Variants in HNRNPUL1 observed in about 807,000 individuals in gnomAD.
HNRNPUL1 encodes the protein heterogeneous nuclear ribonucleoprotein U like 1, also known as heterogeneous nuclear ribonucleoprotein U-like protein 1.
Under a neutral mutation model 108.5 loss-of-function variants are expected in HNRNPUL1, and 14 were observed. The ratio of observed to expected loss-of-function variants is 0.13; its 90% CI spans 0.09 to 0.20. The LOEUF (loss-of-function observed/expected upper bound fraction) is 0.20. HNRNPUL1 is among the 10% of genes least tolerant of loss of function. HNRNPUL1 has a pLI of 1.00. For synonymous variants in HNRNPUL1, 422 were observed against 445.2 expected, an observed-to-expected ratio of 0.95 and a Z score of 0.66; for missense variants, 804 against 1,168.3, an observed-to-expected ratio of 0.69 and a Z score of 4.55.
chr19:41,300,320 C>CTTT (rs2037129809), intron 10 of HNRNPUL1, among the ~76,000 whole-genome samples: 1 of 140,374 alleles, frequency 7.1e-6, no homozygotes, highest in African/African-American at 2.8e-5. Context: ...CTTCAGAATA[C>CTTT]ATTTTTTTTT....
At chr19:41,281,137 C>G (rs2035876366) in intron 6 of HNRNPUL1, 26 bp from the exon 7 acceptor site, 1 of 1,525,452 alleles carries the variant, frequency 6.6e-7, no homozygotes. Context: ...CAGGTTTAAC[C>G]TGCCTTTGCC....
rs766127859 is a variant in HNRNPUL1, at chr19:41,294,280, C to T, written c.1267-58C>T. 8.2e-5 allele frequency: 131 copies of T among 1,596,492 alleles called. No individual in the cohort carries two copies. The highest frequency in any genetic ancestry group is 1.1e-4 in the Non-Finnish European group (124 of 1,168,508). On this transcript the variant is annotated intron_variant, in intron 8 of 14. Coordinates refer to ENST00000392006, the MANE Select transcript of HNRNPUL1 (RefSeq NM_007040.6). This position sits in a 1 kb window ranked among gnomAD's most constrained non-coding sequence, Gnocchi z 4.3. ...CCAGAGTCACACTCACAGTCACCAC[C>T]GAGCCAAGTGGTGCCATACCACCAT...
At chr19:41,272,477 G>A (rs543525725) in intron 3 of HNRNPUL1, 15 of 412,026 alleles carry the variant, frequency 3.6e-5, no homozygotes, top group Non-Finnish European at 4.8e-5. Context: ...ACTTTCACGC[G>A]TGAGATGCCA....
In HNRNPUL1 at chr19:41,264,494, G is replaced by A. The variant is rs1018269180; in HGVS notation, c.-10G>A. On this transcript the variant is annotated 5_prime_UTR_variant, in exon 1 of 15. Coordinates refer to ENST00000392006, the MANE Select transcript of HNRNPUL1 (RefSeq NM_007040.6). The stretch of plus-strand genomic sequence containing the variant: ...GGCCGGGCTCGGGGGCCACCCCGGG[G>A]GCCCGGGCCATGGATGTGCGCCGTC... The A allele has an allele frequency of 4.1e-5, 56 of 1,361,224 alleles. No homozygotes were observed. Among genetic ancestry groups the A allele is most frequent in the Admixed American group, 6.4e-5 (2 of 31,170 alleles). The allele number at this position is 1,361,224 out of a possible 1,614,324, so 84.3% of individuals were successfully genotyped here.
intron 7 of HNRNPUL1, among the ~76,000 whole-genome samples, chr19:41,285,412 A>G (rs1439853487): frequency 6.6e-6 from 1 of 152,074 alleles, no homozygotes. Context: ...TTTTGTAGAG[A>G]TGGGGTTTCG....
chr19:41,268,139 A>G (rs552307131), intron 1 of HNRNPUL1, 84 bp from the exon 2 acceptor site: 1 of 1,366,674 alleles, frequency 7.3e-7, no homozygotes, highest in Non-Finnish European at 1.0e-6. Flanking sequence ...GAGCTCCTGG[A>G]CCTGCAGATG....
intron 3 of HNRNPUL1, among the ~76,000 whole-genome samples, chr19:41,273,450 G>C (rs562293551): frequency 6.6e-6 from 1 of 152,076 alleles, no homozygotes; most frequent in Non-Finnish European, 1.5e-5. Flanking sequence ...CTTTTTTAGC[G>C]TTTTGGTAGG....
At chr19:41,289,713 C>CTT (rs71177710) in intron 7 of HNRNPUL1, among the ~76,000 whole-genome samples, 22,025 of 119,726 alleles carry the variant, frequency 0.18, 2,437 homozygotes, top group East Asian at 0.31. Flanking sequence ...TCTCCATGGT[C>CTT]TTTTTTTTTT....
chr19:41,264,497 C>T lies in HNRNPUL1; in HGVS notation c.-7C>T. 2.2e-6 allele frequency: 3 copies of T among 1,363,510 alleles called. No homozygotes were observed. Among genetic ancestry groups the T allele is most frequent in the Non-Finnish European group, 1.9e-6 (2 of 1,056,262 alleles). 84.5% of individuals were successfully genotyped at this position (1,363,510 alleles called of 1,614,324 possible). A position where few individuals can be genotyped will look rare whatever the true frequency, so the allele number is the denominator to read the frequency against. ...CGGGCTCGGGGGCCACCCCGGGGGCCCGGGCCATGGATGTGCGCCGTCTGA... is the reference window on the plus strand; with the variant it reads ...CGGGCTCGGGGGCCACCCCGGGGGCTCGGGCCATGGATGTGCGCCGTCTGA... On this transcript the variant is annotated 5_prime_UTR_variant, in exon 1 of 15. Transcript: ENST00000392006.
chr19:41,302,624 CTCT>C lies in HNRNPUL1; in HGVS notation c.1688-33_1688-31del, dbSNP rs538846957. 7.3e-4 allele frequency: 1,179 copies of C among 1,613,124 alleles called. 8 individuals carry two copies. In the African/African-American group the frequency reaches 0.013, roughly 18 times the overall value. On this transcript the variant is annotated intron_variant, in intron 11 of 14. Transcript: ENST00000392006. ...GGACCAGACTTCAGAAGGTACTGAC[CTCT>C]TCTTCTTGTTCTCTTTGGGGCACTT... is the stretch of plus-strand genomic sequence containing the variant.
chr19:41,264,982 C>G (rs1568424418), intron 1 of HNRNPUL1, 184 bp downstream of exon 1: 16 of 1,349,998 alleles, frequency 1.2e-5, no homozygotes, highest in Non-Finnish European at 1.4e-5. Flanking sequence ...GATCCTGACA[C>G]TCAGTGCAGG....
rs534142531 is a variant in HNRNPUL1, at chr19:41,303,598, C to G, written c.1973-374C>G. On this transcript the variant is annotated intron_variant, in intron 12 of 14. Transcript: ENST00000392006. ...TGAACTCCTGACCTCACGTGGTCCA[C>G]CCGCCTTAGCCTCCCAGAGTGCTAG... Among the ~76,000 whole-genome samples the G allele has an allele frequency of 2.0e-5, 3 of 152,232 alleles. No individual in the cohort carries two copies. In the East Asian group the frequency reaches 5.8e-4, roughly 29 times the overall value.
chr19:41,286,938 G>A (rs537203369), intron 7 of HNRNPUL1, among the ~76,000 whole-genome samples: 44 of 150,990 alleles, frequency 2.9e-4, no homozygotes, highest in South Asian at 1.9e-3. Flanking sequence ...GGCTGGTCTC[G>A]AACTCCTGAC....
intron 13 of HNRNPUL1, 136 bp downstream of exon 13, chr19:41,304,397 C>G (rs987094875): frequency 3.5e-6 from 5 of 1,431,598 alleles, no homozygotes; most frequent in Non-Finnish European, 4.6e-6. Context: ...CTAGCCTGCC[C>G]TTCTTTCTCC....
chr19:41,263,808 G>A (rs2034634957), upstream of HNRNPUL1, among the ~76,000 whole-genome samples: 1 of 152,178 alleles, frequency 6.6e-6, no homozygotes, highest in Non-Finnish European at 1.5e-5. Flanking sequence ...GCGATTGGTG[G>A]GCAGATTGTT....
chr19:41,304,485 C>T (rs967078674), intron 13 of HNRNPUL1, among the ~76,000 whole-genome samples: 1 of 152,142 alleles, frequency 6.6e-6, no homozygotes, highest in Non-Finnish European at 1.5e-5. Flanking sequence ...GTAGACCTTC[C>T]CAGAACCTGC....
At chr19:41,269,273 C>T (rs868319092) in intron 2 of HNRNPUL1, among the ~76,000 whole-genome samples, 5 of 152,096 alleles carry the variant, frequency 3.3e-5, no homozygotes, top group Middle Eastern at 3.4e-3. Context: ...CCAGACCAGA[C>T]TGGGCAACAT....
intron 4 of HNRNPUL1, among the ~76,000 whole-genome samples, chr19:41,275,759 G>A (rs1384296764): frequency 6.6e-6 from 1 of 152,144 alleles, no homozygotes; most frequent in Admixed American, 6.5e-5. Flanking sequence ...TGTACTCCTG[G>A]TCAGCACTTG....
intron 13 of HNRNPUL1, among the ~76,000 whole-genome samples, chr19:41,304,646 C>G (rs905170754): frequency 6.6e-6 from 1 of 152,220 alleles, no homozygotes; most frequent in African/African-American, 2.4e-5. Flanking sequence ...ACCTCTTTGT[C>G]TTTTGGACAT....
Sources: allele counts gnomAD v4.1 joint callset (sites outside exome capture counted in the v4.1 genomes callset), GRCh38; gene constraint gnomAD v4.1.1; non-coding constraint Gnocchi (gnomAD v3.1); transcripts MANE v1.5; gene names NCBI Gene and HGNC (gene_info 2026-07-23, HGNC 2026-07-21).